Variants in SYTL4 observed in about 807,000 individuals in gnomAD.
SYTL4 encodes synaptotagmin-like protein 4.
SYTL4 carries 16 observed loss-of-function variants against 52.7 expected under a neutral mutation model. That is an observed-to-expected ratio of 0.30 (90% CI 0.21 to 0.46). The LOEUF (loss-of-function observed/expected upper bound fraction) is 0.46, where lower values mean the gene tolerates loss of function less well. Ranked by LOEUF, SYTL4 falls within the 20% of genes least tolerant of loss-of-function variation. The pLI, the probability that SYTL4 is intolerant of heterozygous loss-of-function variation, is 1.00. For missense variants in SYTL4, 423 were observed against 519.9 expected (o/e 0.81, Z 1.81); for synonymous variants, 160 against 186.6 (o/e 0.86, Z 1.16).
chrX:100,705,650 T>C (rs191954446), intron 2 of SYTL4, among the ~76,000 whole-genome samples: 27 of 111,357 alleles, frequency 2.4e-4, no homozygotes, highest in Non-Finnish European at 7.5e-5. Flanking sequence ...TAAAAACTGG[T>C]GCTTGTGGAG....
At chrX:100,724,540 T>G (rs1360093930) in intron 2 of SYTL4, among the ~76,000 whole-genome samples, 3 of 104,290 alleles carry the variant, frequency 2.9e-5, no homozygotes, top group Admixed American at 1.0e-4. Flanking sequence ...AAATTCTTCT[T>G]CCTTGGGATC....
At chrX:100,677,028 A>C (rs1408627420) in intron 19 of SYTL4, among the ~76,000 whole-genome samples, 8 of 111,786 alleles carry the variant, frequency 7.2e-5, no homozygotes, top group Non-Finnish European at 1.5e-4. Context: ...AAAATATACA[A>C]GCAAACCAAT....
rs1371306124 is a variant in SYTL4 at position 100,686,048 on chromosome X, T to A, written c.1391A>T (p.Gln464Leu). 2 of 1,207,181 alleles carry A rather than the reference T, an allele frequency of 1.7e-6. No individual in the cohort carries two copies. Among genetic ancestry groups the A allele is most frequent in the Non-Finnish European group, 1.1e-6 (1 of 893,100 alleles). Residue 464 changes from glutamine (Q) to leucine (L), a missense_variant, in exon 16 of 20, where the codon CAG becomes CTG. Coordinates refer to ENST00000372989, the MANE Select transcript of SYTL4 (RefSeq NM_001370165.1). ...RNTFLGEAEI[Q>L]MDSWKLDKKL... is the part of the protein sequence containing the mutation. ...CTTATCAAGCTTCCAGGAATCCATC[T>A]GGATCTCTGCCTCTCCAAGGAAAGT...
chrX:100,681,326 C>T lies in SYTL4; in HGVS notation c.1459G>A (p.Glu487Lys), dbSNP rs184576220. 10 of 1,202,150 alleles carry T rather than the reference C, an allele frequency of 8.3e-6. No individual in the cohort carries two copies. The highest frequency in any genetic ancestry group is 1.0e-5 in the Non-Finnish European group (9 of 888,942). ...CLPLHGKISA[E>K]SPTGLPSHKG... ...TGTGATGGCAAGCCAGTCGGGGACT[C>T]AGCACTGATCTGAAACACAGGGAAA... Residue 487 changes from glutamate (E) to lysine (K), a missense_variant, in exon 17 of 20, where the codon GAG becomes AAG. By Grantham distance (56) the Glu-to-Lys change is moderately conservative. Transcript: ENST00000372989.
At chrX:100,722,698 C>CA (rs1398244505) in intron 2 of SYTL4, among the ~76,000 whole-genome samples, 1 of 111,398 alleles carries the variant, frequency 9.0e-6, no homozygotes, top group Non-Finnish European at 1.9e-5. Context: ...AACAGGTCCT[C>CA]AATCTCAACT....
chrX:100,699,482 CTTT>C (rs1181762978), intron 8 of SYTL4, among the ~76,000 whole-genome samples: 25 of 59,851 alleles, frequency 4.2e-4, no homozygotes, highest in African/African-American at 2.4e-3. Flanking sequence ...CAGCATTACT[CTTT>C]TTTTTTTTTT....
At chrX:100,701,401 A>G in intron 6 of SYTL4, 57 bp downstream of exon 6, 1 of 1,176,998 alleles carries the variant, frequency 8.5e-7, no homozygotes, top group Non-Finnish European at 1.2e-6. Flanking sequence ...GAGGAAAGAA[A>G]TTCTCACCAC....
At chrX:100,714,502 G>A (rs1473134542) in intron 2 of SYTL4, among the ~76,000 whole-genome samples, 2 of 111,373 alleles carry the variant, frequency 1.8e-5, no homozygotes, top group Non-Finnish European at 3.8e-5. Context: ...CTCGTGATCT[G>A]CCCACCTCAG....
chrX:100,695,476 T>C (rs752053450), intron 8 of SYTL4, among the ~76,000 whole-genome samples: 1 of 111,305 alleles, frequency 9.0e-6, no homozygotes, highest in Non-Finnish European at 1.9e-5. Flanking sequence ...GATGTGTTAA[T>C]CAGGTTCAGC....
intron 2 of SYTL4, among the ~76,000 whole-genome samples, chrX:100,723,248 T>G (rs1305815296): frequency 9.0e-6 from 1 of 111,655 alleles, no homozygotes; most frequent in Non-Finnish European, 1.9e-5. Context: ...GCCTGCCGAG[T>G]GCCTGCGATC....
Position 100,698,231 on chromosome X carries a change from C to T in SYTL4, c.539+2666G>A, listed in dbSNP as rs373107481. 2.4e-3 allele frequency among the ~76,000 whole-genome samples: 264 copies of T among 108,830 alleles called. 13 individuals are homozygous for T. In the East Asian group the frequency reaches 0.04, roughly 16 times the overall value. The allele number at this position is 108,830 out of a possible 115,157, so 94.5% of individuals were successfully genotyped here. A position where few individuals can be genotyped will look rare whatever the true frequency, so the allele number is the denominator to read the frequency against. ...CATTCTCCTGCCTCAGTCTCCCCAG[C>T]AGCTGGGACTACAGGCGCCTGCCAC... On this transcript the variant is annotated intron_variant, in intron 8 of 19. Coordinates refer to ENST00000372989, the MANE Select transcript of SYTL4 (RefSeq NM_001370165.1).
chrX:100,731,153 T>C (rs1327176389), intron 2 of SYTL4, among the ~76,000 whole-genome samples: 2 of 111,426 alleles, frequency 1.8e-5, no homozygotes, highest in African/African-American at 6.5e-5. Flanking sequence ...ACCAAATGAT[T>C]TCACCACCCC....
At position 100,690,077 on chromosome X, in the gene SYTL4, G is replaced by A. The variant is rs2083563705; in HGVS notation, c.806C>T (p.Ser269Leu). The A allele has an allele frequency of 8.3e-7, 1 of 1,206,127 alleles. No homozygotes were observed. The change falls in exon 11 of 20, where the codon TCA becomes TTA. Residue 269 changes from serine to leucine, a missense_variant and splice_region_variant. Ser to Leu is a moderately radical substitution (Grantham distance 145). Transcript: ENST00000372989. ...KKNTRKILRP[S>L]EYTKSVIDLR... ...GACCAGTAAGGGAAACCAGTTACCTGAAGGCCTGAGGATTTTTCTGGTGTT... is the reference window on the plus strand; with the variant it reads ...GACCAGTAAGGGAAACCAGTTACCTAAAGGCCTGAGGATTTTTCTGGTGTT...
At chrX:100,719,990 G>C (rs878863510) in intron 2 of SYTL4, among the ~76,000 whole-genome samples, 1 of 111,692 alleles carries the variant, frequency 9.0e-6, no homozygotes, top group Admixed American at 9.5e-5. Context: ...TTTGTCCCCT[G>C]CTCCTCAGCA....
chrX:100,708,684 G>A (rs114850335), intron 2 of SYTL4, among the ~76,000 whole-genome samples: 2,284 of 112,119 alleles, frequency 0.02, 63 homozygotes, highest in African/African-American at 0.07. Flanking sequence ...GACAGACTTG[G>A]GTTCAAATCC....
At position 100,678,372 on chromosome X, in the gene SYTL4, A is replaced by G; in HGVS notation, c.1867+19T>C. 8.5e-7 allele frequency: 1 copy of G among 1,172,373 alleles called. No individual in the cohort carries two copies. The highest frequency in any genetic ancestry group is 1.2e-6 in the Non-Finnish European group (1 of 860,618). On this transcript the variant is annotated intron_variant, in intron 19 of 19. Coordinates refer to ENST00000372989, the MANE Select transcript of SYTL4 (RefSeq NM_001370165.1). ...ACAAGAAGCCTTCAAACAAGTGAGG[A>G]TGGGGGAGGGGATCTCACCAGTGCC...
At chrX:100,728,442 G>A (rs73557596) in intron 2 of SYTL4, among the ~76,000 whole-genome samples, 4,214 of 111,761 alleles carry the variant, frequency 0.038, 70 homozygotes, top group South Asian at 0.098. Flanking sequence ...ACTCAGCTAC[G>A]GCTTTTCCAT....
chrX:100,729,680 C>A (rs1024014987), intron 2 of SYTL4, among the ~76,000 whole-genome samples: 3 of 111,103 alleles, frequency 2.7e-5, no homozygotes, highest in African/African-American at 9.8e-5. Flanking sequence ...TACAGCCTTC[C>A]AGGTGGAAAA....
chrX:100,712,493 G>C (rs1395443304), intron 2 of SYTL4, among the ~76,000 whole-genome samples: 1 of 111,878 alleles, frequency 8.9e-6, no homozygotes. Context: ...TTTAAATAAA[G>C]GTTAAGGGAA....
Sources: gnomAD v4.1 joint callset for allele counts (sites outside exome capture counted in the v4.1 genomes callset) on GRCh38, gnomAD v4.1.1 for gene constraint, MANE v1.5 for transcripts, NCBI Gene and HGNC (gene_info 2026-07-23, HGNC 2026-07-21) for gene names.